Variants in OR56A3 observed in about 807,000 individuals in gnomAD.
The protein encoded by OR56A3 is olfactory receptor 56A3.
A neutral mutation model predicts 17.5 loss-of-function variants in OR56A3; 23 were observed. The ratio of observed to expected loss-of-function variants is 1.32; its 90% CI spans 0.95 to 1.87. The LOEUF is 1.87. Ranked by LOEUF, OR56A3 falls within the 40% of genes most tolerant of loss-of-function variation. The probability of loss-of-function intolerance (pLI) is 0.00; values close to 1 mark genes in which losing one functional copy is unlikely to be tolerated. For missense variants in OR56A3, 366 were observed against 380.1 expected, an observed-to-expected ratio of 0.96 and a Z score of 0.31; for synonymous variants, 175 against 150.6, an observed-to-expected ratio of 1.16 and a Z score of -1.19.
At chr11:5,985,997 C>T in the OR56A3 span, 1 of 1,612,630 alleles carries the variant, frequency 6.2e-7, no homozygotes, top group East Asian at 2.2e-5. Flanking sequence ...TGAGTCTTCA[C>T]TCCATAGACA....
the OR56A3 span, among the ~76,000 whole-genome samples, chr11:5,988,153 T>C: frequency 6.6e-6 from 1 of 152,178 alleles, no homozygotes; most frequent in African/African-American, 2.4e-5. Context: ...TTTATCTGAA[T>C]TGGTCCTTCA....
the OR56A3 span, chr11:6,002,554 C>T: frequency 6.2e-7 from 1 of 1,614,202 alleles, no homozygotes; most frequent in South Asian, 1.1e-5. Context: ...AAGACCACGG[C>T]CCTAGCCACA....
chr11:5,970,607 AT>A, the OR56A3 span, among the ~76,000 whole-genome samples: 21 of 151,596 alleles, frequency 1.4e-4, 1 homozygote, highest in African/African-American at 4.1e-4. Context: ...TAATGCATAG[AT>A]TTTTTTTTAC....
the OR56A3 span, among the ~76,000 whole-genome samples, chr11:5,975,844 T>A: frequency 3.9e-5 from 6 of 152,074 alleles, no homozygotes; most frequent in Admixed American, 3.9e-4. Flanking sequence ...AGTGTTCCTA[T>A]TTCTCCACAT....
the OR56A3 span, among the ~76,000 whole-genome samples, chr11:5,975,119 A>G: frequency 6.6e-6 from 1 of 152,212 alleles, no homozygotes; most frequent in Admixed American, 6.5e-5. Context: ...GAGAGTCCAG[A>G]TCATATATTG....
the OR56A3 span, among the ~76,000 whole-genome samples, chr11:5,993,219 G>C: frequency 1.3e-5 from 2 of 152,196 alleles, no homozygotes. Context: ...AGGAACTGGA[G>C]CATGCTGGGT....
the OR56A3 span, among the ~76,000 whole-genome samples, chr11:5,961,084 G>A: frequency 2.0e-5 from 3 of 151,358 alleles, no homozygotes; most frequent in Non-Finnish European, 3.0e-5. Context: ...GCCCCATCCG[G>A]GAGCTGGGGG....
the OR56A3 span, among the ~76,000 whole-genome samples, chr11:6,011,221 T>C: frequency 1.0e-4 from 15 of 149,182 alleles, no homozygotes; most frequent in African/African-American, 3.2e-4. Context: ...TATATATATA[T>C]ACACACATAT....
At chr11:5,943,275 A>T (rs1847849737) in intron 1 of OR56A3, 1 of 152,174 alleles carries the variant, frequency 6.6e-6, no homozygotes, top group Non-Finnish European at 1.5e-5. Flanking sequence ...TCTTAGTGCT[A>T]AAAATAATTA....
At chr11:6,011,204 T>TATATATA in the OR56A3 span, among the ~76,000 whole-genome samples, 12 of 122,526 alleles carry the variant, frequency 9.8e-5, no homozygotes, top group African/African-American at 3.1e-4. Context: ...GAGATTTATT[T>TATATATA]TATATATATA....
chr11:5,962,171 T>G, the OR56A3 span, among the ~76,000 whole-genome samples: 45 of 152,372 alleles, frequency 3.0e-4, 1 homozygote, highest in African/African-American at 1.0e-3. Context: ...TTCATTTTGT[T>G]AATGTGATGT....
At chr11:5,972,666 A>G in the OR56A3 span, among the ~76,000 whole-genome samples, 1 of 152,318 alleles carries the variant, frequency 6.6e-6, no homozygotes, top group South Asian at 2.1e-4. Flanking sequence ...GGTTCCCATG[A>G]GAGCCAGGCT....
At chr11:6,017,446 C>A in the OR56A3 span, among the ~76,000 whole-genome samples, 3 of 152,120 alleles carry the variant, frequency 2.0e-5, no homozygotes, top group African/African-American at 7.2e-5. Context: ...TCTAAGGGAG[C>A]ATCTGTCAGA....
At chr11:5,956,693 A>G in the OR56A3 span, among the ~76,000 whole-genome samples, 1 of 152,118 alleles carries the variant, frequency 6.6e-6, no homozygotes, top group African/African-American at 2.4e-5. Flanking sequence ...AAATTTCACA[A>G]TCACAGTATT....
the OR56A3 span, chr11:5,994,258 T>C: frequency 1.7e-6 from 1 of 579,744 alleles, no homozygotes; most frequent in East Asian, 3.9e-5. Context: ...CTCCAAAGAC[T>C]GGACTGTACA....
the OR56A3 span, among the ~76,000 whole-genome samples, chr11:5,998,582 G>A: frequency 6.6e-6 from 1 of 152,182 alleles, no homozygotes; most frequent in South Asian, 2.1e-4. Context: ...CTCAGGTGAA[G>A]TGCCAAGTGA....
At chr11:5,988,477 C>A in the OR56A3 span, among the ~76,000 whole-genome samples, 1 of 152,142 alleles carries the variant, frequency 6.6e-6, no homozygotes, top group Non-Finnish European at 1.5e-5. Flanking sequence ...GATACTAAAA[C>A]TCTCTCAGTC....
the OR56A3 span, chr11:6,002,184 C>A: frequency 6.2e-7 from 1 of 1,614,178 alleles, no homozygotes; most frequent in Non-Finnish European, 8.5e-7. Flanking sequence ...TGGAGGAATT[C>A]TCTTCCTGGC....
At chr11:6,011,230 A>C in the OR56A3 span, among the ~76,000 whole-genome samples, 10 of 150,144 alleles carry the variant, frequency 6.7e-5, no homozygotes, top group Non-Finnish European at 1.5e-4. Context: ...ATACACACAT[A>C]TATTTTATTT....
Sources: allele counts gnomAD v4.1 joint callset (sites outside exome capture counted in the v4.1 genomes callset), GRCh38; gene constraint gnomAD v4.1.1; transcripts MANE v1.5; gene names NCBI Gene and HGNC (gene_info 2026-07-23, HGNC 2026-07-21).